MTCH2: variants seen among roughly 807,000 people sequenced by gnomAD.
The protein encoded by MTCH2 is mitochondrial carrier homolog 2.
A neutral mutation model predicts 50.6 loss-of-function variants in MTCH2; 25 were observed. That is an observed-to-expected ratio of 0.49 (90% CI 0.36 to 0.69). MTCH2 has a LOEUF of 0.69. Among genes scored for constraint, MTCH2 ranks in the 30% least tolerant of loss-of-function variants. MTCH2 has a pLI of 0.00. For synonymous variants in MTCH2, 106 were observed against 132.0 expected, an observed-to-expected ratio of 0.80 and a Z score of 1.35; for missense variants, 273 against 384.4, an observed-to-expected ratio of 0.71 and a Z score of 2.42.
chr11:47,610,908 C>A, the MTCH2 span, among the ~76,000 whole-genome samples: 1 of 152,160 alleles, frequency 6.6e-6, no homozygotes, highest in African/African-American at 2.4e-5. Flanking sequence ...CTGATCTCCC[C>A]AAATGGATGT....
intron 10 of MTCH2, 38 bp downstream of exon 10, chr11:47,627,042 C>T (rs754214275): frequency 6.7e-6 from 10 of 1,486,710 alleles, no homozygotes; most frequent in African/African-American, 1.4e-5. Context: ...CAAAACACAA[C>T]TATTCCTAGA....
chr11:47,637,770 G>A (rs1027888039), intron 3 of MTCH2, among the ~76,000 whole-genome samples: 8 of 152,072 alleles, frequency 5.3e-5, no homozygotes, highest in Admixed American at 1.3e-4. Flanking sequence ...AAAAAATCAC[G>A]GGCAAGAGAA....
intron 1 of MTCH2, among the ~76,000 whole-genome samples, chr11:47,641,137 G>A (rs2097313796): frequency 6.6e-6 from 1 of 152,004 alleles, no homozygotes; most frequent in African/African-American, 2.4e-5. Flanking sequence ...CTCGTGATCC[G>A]CTCACCTCGG....
At chr11:47,615,814 CAG>C (rs2097288080), downstream of MTCH2, among the ~76,000 whole-genome samples, 1 of 148,132 alleles carries the variant, frequency 6.8e-6, no homozygotes, top group Admixed American at 6.8e-5. Context: ...TTAGTAGAGA[CAG>C]GGTTTCACCA....
chr11:47,630,523 C>T, intron 8 of MTCH2, 32 bp downstream of exon 8: 3 of 1,566,568 alleles, frequency 1.9e-6, no homozygotes, highest in Non-Finnish European at 2.6e-6. Context: ...CCCACTCATG[C>T]AAAAATTACA....
At chr11:47,612,957 G>A (rs965042937), downstream of MTCH2, among the ~76,000 whole-genome samples, 3 of 152,154 alleles carry the variant, frequency 2.0e-5, no homozygotes, top group African/African-American at 7.2e-5. Context: ...AGGCTGGAGT[G>A]CAGTGGCACA....
At position 47,642,542 on chromosome 11, in the gene MTCH2, A is replaced by AGGGCCGCCGGTTTCACT. The variant is rs1423586277; in HGVS notation, c.-94_-78dup. On this transcript the variant is annotated 5_prime_UTR_variant, in exon 1 of 13. Transcript: ENST00000302503. ...GTGAGCCGGTCCTAGGTCACGTGCC[A>AGGGCCGCCGGTTTCACT]GGGCCGCCGGTTTCACTGGCCCGCC... The AGGGCCGCCGGTTTCACT allele has an allele frequency of 1.5e-6, 2 of 1,360,460 alleles. No homozygotes were observed. The highest frequency in any genetic ancestry group is 3.0e-5 in the African/African-American group (2 of 65,604). The allele number at this position is 1,360,460 out of a possible 1,614,324, so 84.3% of individuals were successfully genotyped here. A position where few individuals can be genotyped will look rare whatever the true frequency, so the allele number is the denominator to read the frequency against.
the MTCH2 span, among the ~76,000 whole-genome samples, chr11:47,612,284 T>A: frequency 6.6e-6 from 1 of 151,420 alleles, no homozygotes; most frequent in South Asian, 2.1e-4. Context: ...GCCAGATGTG[T>A]GGGCCGGGCG....
At chr11:47,622,211 T>G (rs191003730) in intron 12 of MTCH2, among the ~76,000 whole-genome samples, 18 of 152,252 alleles carry the variant, frequency 1.2e-4, no homozygotes, top group Admixed American at 7.9e-4. Flanking sequence ...TAAATAATTT[T>G]TTGTTGCAGA....
Position 47,634,652 on chromosome 11 carries a change from G to T in MTCH2, c.369+20C>A. 6.3e-7 allele frequency: 1 copy of T among 1,591,732 alleles called. No homozygotes were observed. The highest frequency in any genetic ancestry group is 8.6e-7 in the Non-Finnish European group (1 of 1,161,578). The stretch of plus-strand genomic sequence containing the variant: ...CAGTTTGATCTGGGCAAACAGCACA[G>T]GATGTAATTCATCTCTTACCTCCTT... On this transcript the variant is annotated intron_variant, in intron 5 of 12. Coordinates refer to ENST00000302503, the MANE Select transcript of MTCH2 (RefSeq NM_014342.4).
rs59398950 is a variant in MTCH2, at chr11:47,633,527, T to TATATATATATATATATATATATATATATA, written c.369+1144_369+1145insTATATATATATATATATATATATATATAT. ...TGGAATATATATATATATATATATA[T>TATATATATATATATATATATATATATATA]TTTTTTTTTTTTTTTTTTTTTTTCT... On this transcript the variant is annotated intron_variant, in intron 5 of 12. Coordinates refer to ENST00000302503, the MANE Select transcript of MTCH2 (RefSeq NM_014342.4). Among the ~76,000 whole-genome samples the TATATATATATATATATATATATATATATA allele has an allele frequency of 5.2e-4, 10 of 19,092 alleles. 1 individual carries two copies. Among genetic ancestry groups the TATATATATATATATATATATATATATATA allele is most frequent in the Non-Finnish European group, 7.3e-4 (7 of 9,622 alleles). 12.5% of individuals were successfully genotyped at this position (19,092 alleles called of 152,430 possible).
the MTCH2 span, among the ~76,000 whole-genome samples, chr11:47,606,818 T>G: frequency 6.6e-6 from 1 of 152,204 alleles, no homozygotes; most frequent in Non-Finnish European, 1.5e-5. Flanking sequence ...TGGCAGCTTT[T>G]TCTTCCAGCT....
intron 3 of MTCH2, among the ~76,000 whole-genome samples, chr11:47,636,737 A>G (rs2097308954): frequency 6.6e-6 from 1 of 151,606 alleles, no homozygotes; most frequent in South Asian, 2.1e-4. Flanking sequence ...TGTCTCAAAA[A>G]AAAACAACAA....
intron 3 of MTCH2, among the ~76,000 whole-genome samples, chr11:47,637,147 G>A (rs1227802681): frequency 1.3e-5 from 2 of 151,894 alleles, no homozygotes; most frequent in South Asian, 2.1e-4. Flanking sequence ...CCACCACCAC[G>A]CCTGGCTAAC....
rs909330013 is a variant in MTCH2 at position 47,619,550 on chromosome 11, G to A, written c.826-631C>T. On this transcript the variant is annotated intron_variant, in intron 12 of 12. Coordinates refer to ENST00000302503, the MANE Select transcript of MTCH2 (RefSeq NM_014342.4). The stretch of plus-strand genomic sequence containing the variant: ...ATACCCGGCCTATTTATTTCTTAAT[G>A]AAATGAAATCATGTTTCTAAGGACT... Among the ~76,000 whole-genome samples the A allele has an allele frequency of 7.9e-5, 12 of 152,086 alleles. No individual in the cohort carries two copies. The South Asian group carries it at 1.5e-3, about 18-fold the overall frequency.
the MTCH2 span, among the ~76,000 whole-genome samples, chr11:47,606,587 C>CT: frequency 1.3e-5 from 2 of 152,220 alleles, no homozygotes; most frequent in Admixed American, 1.3e-4. Flanking sequence ...CTTCCTATCC[C>CT]TCTTGTGCCA....
the MTCH2 span, among the ~76,000 whole-genome samples, chr11:47,607,293 C>T: frequency 3.3e-5 from 5 of 152,150 alleles, no homozygotes; most frequent in Admixed American, 6.6e-5. Flanking sequence ...TGGAGTCTCA[C>T]GTGTCACATG....
intron 11 of MTCH2, among the ~76,000 whole-genome samples, chr11:47,625,088 AAAAAAC>A (rs59265730): frequency 0.36 from 54,174 of 150,354 alleles, 10,092 homozygotes; most frequent in Middle Eastern, 0.46. Flanking sequence ...ATTCTGTCTC[AAAAAAC>A]AAAAACAAAA....
chr11:47,629,863 A>G (rs2097301432), intron 8 of MTCH2, among the ~76,000 whole-genome samples: 1 of 151,982 alleles, frequency 6.6e-6, no homozygotes, highest in African/African-American at 2.4e-5. Context: ...CCTTGCAAAA[A>G]CTTACTCTTT....
Sources: allele counts gnomAD v4.1 joint callset (sites outside exome capture counted in the v4.1 genomes callset), GRCh38; gene constraint gnomAD v4.1.1; transcripts MANE v1.5; gene names NCBI Gene and HGNC (gene_info 2026-07-23, HGNC 2026-07-21).